PCDHA1: variants seen among roughly 807,000 people sequenced by gnomAD.
The protein encoded by PCDHA1 is protocadherin alpha-1.
Under a neutral mutation model 61.3 loss-of-function variants are expected in PCDHA1, and 42 were observed. That is an observed-to-expected ratio of 0.69 (90% CI 0.54 to 0.89). The LOEUF (loss-of-function observed/expected upper bound fraction) is 0.89, where lower values mean the gene tolerates loss of function less well. Among genes scored for constraint, PCDHA1 ranks in the 40% least tolerant of loss-of-function variants. The probability of loss-of-function intolerance (pLI) is 0.00; values close to 1 mark genes in which losing one functional copy is unlikely to be tolerated. For synonymous variants in PCDHA1, 610 were observed against 553.8 expected, an observed-to-expected ratio of 1.10 and a Z score of -1.43; for missense variants, 1,256 against 1,235.3, an observed-to-expected ratio of 1.02 and a Z score of -0.25.
intron 1 of PCDHA1, chr5:140,812,597 G>A (rs145623750): frequency 2.9e-4 from 44 of 151,406 alleles, no homozygotes; most frequent in African/African-American, 1.0e-3. Flanking sequence ...TTCATTTTTA[G>A]TGTAGGCATT....
At chr5:140,815,627 A>G (rs1281613717) in intron 1 of PCDHA1, 1 of 152,138 alleles carries the variant, frequency 6.6e-6, no homozygotes, top group East Asian at 1.9e-4. Context: ...CCATTACAGT[A>G]TTATAGTATT....
At chr5:140,815,287 C>T (rs1325438151) in intron 1 of PCDHA1, 3 of 152,036 alleles carry the variant, frequency 2.0e-5, no homozygotes, top group African/African-American at 7.2e-5. Flanking sequence ...TTACTGTCTT[C>T]CTTTGTGTTT....
chr5:140,806,647 G>C (rs1314722340), intron 1 of PCDHA1, among the ~76,000 whole-genome samples: 1 of 151,978 alleles, frequency 6.6e-6, no homozygotes, highest in Non-Finnish European at 1.5e-5. Flanking sequence ...GGTGAAGAGG[G>C]TGTTATCATT....
rs782329464 is a variant in PCDHA1, at chr5:140,787,881, C to T, written c.1591C>T (p.Leu531=). 6.2e-7 allele frequency: 1 copy of T among 1,613,290 alleles called. No individual in the cohort carries two copies. The highest frequency in any genetic ancestry group is 1.1e-5 in the South Asian group (1 of 91,046). ...QPLDHEELEL[L]QFQVSARDAG... The stretch of plus-strand genomic sequence containing the variant: ...CCTGGACCACGAGGAGCTGGAGCTG[C>T]TGCAGTTCCAGGTGAGCGCGCGGGA... The change falls in exon 1 of 4, where the codon CTG becomes TTG. Residue 531 remains leucine (L), a synonymous_variant. Coordinates refer to ENST00000504120, the MANE Select transcript of PCDHA1 (RefSeq NM_018900.4).
At chr5:140,866,115 A>G (rs537982409) in intron 1 of PCDHA1, 85 of 152,328 alleles carry the variant, frequency 5.6e-4, no homozygotes, top group African/African-American at 1.9e-3. Flanking sequence ...GAGTTGCCTT[A>G]TAAGAACTAC....
chr5:140,852,885 A>ATT, intron 1 of PCDHA1: 58 of 777,210 alleles, frequency 7.5e-5, no homozygotes, highest in Non-Finnish European at 8.7e-5. Flanking sequence ...CATAAAACGT[A>ATT]TTTTTTTTTT....
At position 140,870,948 on chromosome 5, in the gene PCDHA1, C is replaced by T. The variant is rs868931274; in HGVS notation, c.2394+82264C>T. ...CATATGAATTGCAGCCGGCGGCGGG[C>T]GGCTCGCGCATCCCGTTCCGCGTGG... On this transcript the variant is annotated intron_variant, in intron 1 of 3. Coordinates refer to ENST00000504120, the MANE Select transcript of PCDHA1 (RefSeq NM_018900.4). 3.0e-5 allele frequency: 49 copies of T among 1,613,584 alleles called. 1 individual carries two copies. The Middle Eastern group carries it at 7.0e-3, about 229-fold the overall frequency.
At chr5:140,856,118 G>T in intron 1 of PCDHA1, 2 of 1,598,234 alleles carry the variant, frequency 1.3e-6, no homozygotes, top group Non-Finnish European at 1.7e-6. Flanking sequence ...CGCAGCCTGG[G>T]AGGTGGGGAG....
chr5:141,007,524 C>T (rs2098334216), intron 3 of PCDHA1, among the ~76,000 whole-genome samples: 1 of 151,984 alleles, frequency 6.6e-6, no homozygotes, highest in African/African-American at 2.4e-5. Context: ...GCTGATATCT[C>T]GCCACTGCAC....
intron 1 of PCDHA1, chr5:140,841,999 T>G: frequency 6.2e-7 from 1 of 1,613,818 alleles, no homozygotes; most frequent in Non-Finnish European, 8.5e-7. Flanking sequence ...CAGGCACTGT[T>G]CAGCTGCTGG....
rs1581152641 is a variant in PCDHA1, at chr5:140,848,515, G to A, written c.2394+59831G>A. ...TTTGAAATGTTATACTCAAGTCGAG[G>A]AGATCCAGAGGGTCAGCCTCTACTG... On this transcript the variant is annotated intron_variant, in intron 1 of 3. Coordinates refer to ENST00000504120, the MANE Select transcript of PCDHA1 (RefSeq NM_018900.4). The A allele has an allele frequency of 1.9e-6, 3 of 1,590,864 alleles. No individual in the cohort carries two copies. In the African/African-American group the frequency reaches 4.0e-5, roughly 21 times the overall value.
In PCDHA1 at chr5:140,808,955, G is replaced by A. The variant is rs1369862214; in HGVS notation, c.2394+20271G>A. ...GCCATGGTCGGTGGGTGTGGGCCAC[G>A]TGGTGGCAAAGGTGCGCGCGGTGGA... On this transcript the variant is annotated intron_variant, in intron 1 of 3. Transcript: ENST00000504120. The A allele has an allele frequency of 1.9e-5, 31 of 1,613,472 alleles. No individual in the cohort carries two copies. Among genetic ancestry groups the A allele is most frequent in the Non-Finnish European group, 2.5e-5 (29 of 1,179,716 alleles).
intron 1 of PCDHA1, among the ~76,000 whole-genome samples, chr5:140,934,650 T>C (rs2089969846): frequency 6.6e-6 from 1 of 152,134 alleles, no homozygotes; most frequent in East Asian, 1.9e-4. Flanking sequence ...GATAAATGTT[T>C]GATTCTTCCC....
At chr5:140,828,315 T>G in intron 1 of PCDHA1, 1 of 1,614,172 alleles carries the variant, frequency 6.2e-7, no homozygotes, top group Non-Finnish European at 8.5e-7. Flanking sequence ...GAGGACCTTC[T>G]GGAGGTAAAT....
At chr5:140,844,453 C>T (rs1452241460) in intron 1 of PCDHA1, among the ~76,000 whole-genome samples, 5 of 148,746 alleles carry the variant, frequency 3.4e-5, no homozygotes, top group Non-Finnish European at 7.5e-5. Context: ...TGTATTGTCG[C>T]CAACTTAACA....
At chr5:140,922,476 G>C (rs1473614127) in intron 1 of PCDHA1, among the ~76,000 whole-genome samples, 2 of 152,184 alleles carry the variant, frequency 1.3e-5, no homozygotes, top group African/African-American at 4.8e-5. Context: ...AGGAGAGAAG[G>C]CAGGACTAAA....
chr5:140,879,467 C>T (rs1331120758), intron 1 of PCDHA1, among the ~76,000 whole-genome samples: 1 of 152,040 alleles, frequency 6.6e-6, no homozygotes, highest in Admixed American at 6.6e-5. Context: ...TAAGAGAATA[C>T]CGTTGTGATT....
At chr5:140,911,952 G>A (rs2075698662) in intron 1 of PCDHA1, among the ~76,000 whole-genome samples, 1 of 152,170 alleles carries the variant, frequency 6.6e-6, no homozygotes, top group South Asian at 2.1e-4. Context: ...ATAAAGGGGA[G>A]GTTACTAAGG....
chr5:140,887,801 G>T (rs1377550372), intron 1 of PCDHA1, among the ~76,000 whole-genome samples: 1 of 151,856 alleles, frequency 6.6e-6, no homozygotes, highest in Non-Finnish European at 1.5e-5. Context: ...CTTTATTTTT[G>T]TCCATTTCTT....
Sources: gnomAD v4.1 joint callset for allele counts (sites outside exome capture counted in the v4.1 genomes callset) on GRCh38, gnomAD v4.1.1 for gene constraint, MANE v1.5 for transcripts, NCBI Gene and HGNC (gene_info 2026-07-23, HGNC 2026-07-21) for gene names.